Variants in MTCH1 observed in about 807,000 individuals in gnomAD.
MTCH1 encodes mitochondrial carrier homolog 1.
MTCH1 carries 23 observed loss-of-function variants against 49.3 expected under a neutral mutation model. That is an observed-to-expected ratio of 0.47 (90% CI 0.34 to 0.66). MTCH1 has a LOEUF of 0.66. Ranked by LOEUF, MTCH1 falls within the 30% of genes least tolerant of loss-of-function variation. The pLI is 0.01. For missense variants in MTCH1, 397 were observed against 532.1 expected, an observed-to-expected ratio of 0.75 and a Z score of 2.50; for synonymous variants, 229 against 215.2, an observed-to-expected ratio of 1.06 and a Z score of -0.56.
chr6:36,969,649 C>T (rs1583246268), intron 11 of MTCH1: 3 of 1,191,044 alleles, frequency 2.5e-6, no homozygotes, highest in African/African-American at 3.2e-5. Flanking sequence ...TGCCAGCCGC[C>T]CTAACAACCC....
intron 9 of MTCH1, 31 bp from the exon 10 acceptor site, chr6:36,970,504 AC>A (rs1358913989): frequency 6.2e-7 from 1 of 1,612,946 alleles, no homozygotes; most frequent in Admixed American, 1.7e-5. Flanking sequence ...AGTGCCAGTG[AC>A]CCACCCCGGC....
chr6:36,977,709 G>A lies in MTCH1; in HGVS notation c.592-18C>T. On this transcript the variant is annotated intron_variant, in intron 4 of 11. Transcript: ENST00000373627. This position sits in a 1 kb window ranked among gnomAD's most constrained non-coding sequence, Gnocchi z 5.4. ...TAGGAGGTCTGGAAGAGAGCATGGGGTGGGGACTCGCCACCCTCGGCCTGT... is the reference window on the plus strand; with the variant it reads ...TAGGAGGTCTGGAAGAGAGCATGGGATGGGGACTCGCCACCCTCGGCCTGT... The A allele has an allele frequency of 6.3e-7, 1 of 1,599,798 alleles. No individual in the cohort carries two copies. Among genetic ancestry groups the A allele is most frequent in the Non-Finnish European group, 8.5e-7 (1 of 1,173,054 alleles).
At position 36,986,108 on chromosome 6, in the gene MTCH1, G is replaced by A. The variant is rs55902549; in HGVS notation, c.66C>T (p.Ala22=). 3 of 1,438,316 alleles carry A rather than the reference G, an allele frequency of 2.1e-6. No individual in the cohort carries two copies. The highest frequency in any genetic ancestry group is 1.4e-5 in the South Asian group (1 of 72,428). The allele number at this position is 1,438,316 out of a possible 1,614,324, so 89.1% of individuals were successfully genotyped here. The change falls in exon 1 of 12, where the codon GCC becomes GCT. Residue 22 remains alanine (A), a synonymous_variant. Coordinates refer to ENST00000373627, the MANE Select transcript of MTCH1 (RefSeq NM_001271641.2). The part of the protein sequence containing the change: ...ARGGAAGMAG[A]GAGAGARGGA... ...CGCCGCGAGCTCCGGCTCCAGCTCC[G>A]GCTCCCGCCATCCCCGCGGCACCGC...
chr6:36,986,490 C>A (rs141542123), upstream of MTCH1, among the ~76,000 whole-genome samples: 4 of 152,152 alleles, frequency 2.6e-5, no homozygotes, highest in South Asian at 6.2e-4. Flanking sequence ...GGCTGCCAGA[C>A]GTCCCCAATA....
In MTCH1 at chr6:36,986,017, G is replaced by A. The variant is rs767306901; in HGVS notation, c.157C>T (p.His53Tyr). Residue 53 changes from histidine (H) to tyrosine (Y), a missense_variant, in exon 1 of 12, where the codon CAC (histidine) becomes TAC (tyrosine). Transcript: ENST00000373627. ...PPPAHRAHPR[H>Y]PRPAAQPSAR... ...GAGGGCTGAGCCGCAGGCCGAGGGT[G>A]GCGAGGATGTGCGCGGTGCGCGGGC... The A allele has an allele frequency of 2.6e-6, 4 of 1,525,756 alleles. No individual in the cohort carries two copies. The highest frequency in any genetic ancestry group is 3.5e-6 in the Non-Finnish European group (4 of 1,139,204). 94.5% of individuals were successfully genotyped at this position (1,525,756 alleles called of 1,614,324 possible).
At chr6:36,970,011 A>G (rs1763618858) in intron 11 of MTCH1, 28 bp downstream of exon 11, 1 of 1,612,860 alleles carries the variant, frequency 6.2e-7, no homozygotes, top group Non-Finnish European at 8.5e-7. Flanking sequence ...AGAACAGGAA[A>G]GGCCTCCGCC....
intron 11 of MTCH1, 195 bp from the exon 12 acceptor site, chr6:36,969,169 C>CCAG (rs1763583753): frequency 1.0e-6 from 1 of 985,366 alleles, no homozygotes; most frequent in Non-Finnish European, 1.2e-6. Context: ...CATTTCCTGC[C>CCAG]CAGGGGTGTC....
chr6:36,980,164 C>A (rs1364705477), intron 2 of MTCH1, among the ~76,000 whole-genome samples: 1 of 152,224 alleles, frequency 6.6e-6, no homozygotes, highest in African/African-American at 2.4e-5. Flanking sequence ...GACATCTGCT[C>A]ACACCTAGAT....
chr6:36,985,815 C>A, intron 1 of MTCH1, 38 bp downstream of exon 1: 1 of 1,402,914 alleles, frequency 7.1e-7, no homozygotes, highest in South Asian at 1.2e-5. Flanking sequence ...ACCTTCACAT[C>A]AGCCTCCCAT....
chr6:36,975,837 G>T, intron 6 of MTCH1, 120 bp from the exon 7 acceptor site: 1 of 836,244 alleles, frequency 1.2e-6, no homozygotes, highest in African/African-American at 1.7e-5. Context: ...GCAGGGATGG[G>T]GAGGACTATT....
In MTCH1 at chr6:36,978,306, G is replaced by T. The variant is rs144436327; in HGVS notation, c.514-151C>A. 2.8e-5 allele frequency: 24 copies of T among 870,774 alleles called. No homozygotes were observed. The Admixed American group carries it at 5.8e-4, about 21-fold the overall frequency. 53.9% of individuals were successfully genotyped at this position (870,774 alleles called of 1,614,324 possible). On this transcript the variant is annotated intron_variant, in intron 3 of 11. Transcript: ENST00000373627. Reference sequence around the variant, plus strand: ...AGGTAACCTCCAGGTCTGGAGCTTGGGGGGAAAAGAAAGCCACTATCTGGT... The same window carrying T: ...AGGTAACCTCCAGGTCTGGAGCTTGTGGGGAAAAGAAAGCCACTATCTGGT...
intron 6 of MTCH1, among the ~76,000 whole-genome samples, 163 bp from the exon 7 acceptor site, chr6:36,975,880 G>A (rs1015290987): frequency 2.0e-5 from 3 of 152,148 alleles, no homozygotes; most frequent in East Asian, 3.9e-4. Flanking sequence ...GGCAAAGAGC[G>A]CTTGTTCAGG....
chr6:36,984,529 A>G (rs1764223614), intron 1 of MTCH1, among the ~76,000 whole-genome samples: 1 of 152,122 alleles, frequency 6.6e-6, no homozygotes, highest in Non-Finnish European at 1.5e-5. Context: ...TTCAATTATA[A>G]AGATGGTAAA....
At chr6:36,969,034 A>C in intron 11 of MTCH1, 60 bp from the exon 12 acceptor site, 1 of 1,593,228 alleles carries the variant, frequency 6.3e-7, no homozygotes, top group Non-Finnish European at 8.5e-7. Flanking sequence ...TGTCCCTCCG[A>C]GAGGAAGGCC....
chr6:36,978,657 G>T, intron 2 of MTCH1, 46 bp from the exon 3 acceptor site: 1 of 1,560,470 alleles, frequency 6.4e-7, no homozygotes, highest in Non-Finnish European at 8.8e-7. Context: ...CAGTTCAGGG[G>T]CACCCACTCC....
In MTCH1 at chr6:36,968,978, G is replaced by T. The variant is rs1272719829; in HGVS notation, c.1099-4C>A. 1 of 1,613,910 alleles carries T rather than the reference G, an allele frequency of 6.2e-7. No homozygotes were observed. The highest frequency in any genetic ancestry group is 8.5e-7 in the Non-Finnish European group (1 of 1,179,892). ...TGGAGCCTCGGAAGAGCTGGCCCTG[G>T]ACCAGAAGGAAAAGTAAGGTGAGTG... On this transcript the variant is annotated splice_region_variant and splice_polypyrimidine_tract_variant and intron_variant, in intron 11 of 11. Coordinates refer to ENST00000373627, the MANE Select transcript of MTCH1 (RefSeq NM_001271641.2).
chr6:36,971,296 A>T (rs1763676918), intron 8 of MTCH1, among the ~76,000 whole-genome samples: 1 of 152,228 alleles, frequency 6.6e-6, no homozygotes, highest in Non-Finnish European at 1.5e-5. Flanking sequence ...ACAGCCCGGC[A>T]GCCTCACCTC....
In MTCH1 at chr6:36,986,166, G is replaced by A. The variant is rs746070892; in HGVS notation, c.8C>T (p.Ala3Val). The change falls in exon 1 of 12, where the codon GCT becomes GTT. Residue 3 changes from alanine (A) to valine (V), a missense_variant. Physicochemically the swap from Ala to Val is moderately conservative, Grantham distance 64 (BLOSUM62 0). This residue lies in a region of MTCH1 where 145 missense variants were observed against 143.8 expected (regional missense o/e 1.01). Coordinates refer to ENST00000373627, the MANE Select transcript of MTCH1 (RefSeq NM_001271641.2). MG[A>V]SDPEVAPWAR... ...CCAGGGCGCCACTTCCGGGTCCGAA[G>A]CTCCCATGGCGCCCGGCGGCGAGGT... 2.8e-6 allele frequency: 4 copies of A among 1,430,924 alleles called. No individual in the cohort carries two copies. Among genetic ancestry groups the A allele is most frequent in the South Asian group, 2.8e-5 (2 of 72,468 alleles). 88.6% of individuals were successfully genotyped at this position (1,430,924 alleles called of 1,614,324 possible). A position where few individuals can be genotyped will look rare whatever the true frequency, so the allele number is the denominator to read the frequency against.
At chr6:36,978,956 T>C (rs1446957581) in intron 2 of MTCH1, among the ~76,000 whole-genome samples, 1 of 144,790 alleles carries the variant, frequency 6.9e-6, no homozygotes, top group Non-Finnish European at 1.5e-5. Flanking sequence ...GCAACTTAAA[T>C]GCTGCAACAC....
Sources: gnomAD v4.1 joint callset for allele counts (sites outside exome capture counted in the v4.1 genomes callset) on GRCh38, gnomAD v4.1.1 for gene constraint, gnomAD v4.1.1 regional missense constraint, Gnocchi (gnomAD v3.1) non-coding constraint, MANE v1.5 for transcripts, NCBI Gene and HGNC (gene_info 2026-07-23, HGNC 2026-07-21) for gene names.